ZNF521: variants seen among roughly 807,000 people sequenced by gnomAD.
The protein encoded by ZNF521 is LYST-interacting protein 3.
In ZNF521, 14 loss-of-function variants were observed where a neutral mutation model predicts 105.5. The observed-to-expected ratio is 0.13, with a 90% confidence interval of 0.09 to 0.21. The LOEUF (loss-of-function observed/expected upper bound fraction) is 0.21. Ranked by LOEUF, ZNF521 falls within the 10% of genes least tolerant of loss-of-function variation. The pLI is 1.00. For synonymous variants in ZNF521, 635 were observed against 606.0 expected, an observed-to-expected ratio of 1.05 and a Z score of -0.70; for missense variants, 1,233 against 1,629.7, an observed-to-expected ratio of 0.76 and a Z score of 4.19.
At chr18:25,149,068 T>C (rs887635426) in intron 5 of ZNF521, among the ~76,000 whole-genome samples, 1 of 152,160 alleles carries the variant, frequency 6.6e-6, no homozygotes, top group African/African-American at 2.4e-5. Flanking sequence ...AAACTATTGA[T>C]AGGTGAAGAT....
At chr18:25,332,342 CA>C (rs1913622348) in intron 2 of ZNF521, among the ~76,000 whole-genome samples, 1 of 88,438 alleles carries the variant, frequency 1.1e-5, no homozygotes. Flanking sequence ...AATGAAAGAT[CA>C]CAGCAAAAAA....
At chr18:25,303,092 C>T (rs1257349580) in intron 3 of ZNF521, 1 of 152,140 alleles carries the variant, frequency 6.6e-6, no homozygotes, top group Non-Finnish European at 1.5e-5. Context: ...TCCAACAGGA[C>T]ATGGTGACAT....
At chr18:25,305,272 G>A (rs1488907691) in intron 3 of ZNF521, among the ~76,000 whole-genome samples, 5 of 152,098 alleles carry the variant, frequency 3.3e-5, no homozygotes, top group African/African-American at 1.2e-4. Context: ...ACTAAACTCA[G>A]ATTAATATAT....
chr18:25,287,147 C>G (rs1910752379), intron 3 of ZNF521, among the ~76,000 whole-genome samples: 1 of 152,146 alleles, frequency 6.6e-6, no homozygotes, highest in Admixed American at 6.5e-5. Context: ...ACATACCAAG[C>G]AAACTTGGTA....
chr18:25,124,154 C>G (rs1022576175), intron 5 of ZNF521, among the ~76,000 whole-genome samples: 1 of 151,904 alleles, frequency 6.6e-6, no homozygotes, highest in Admixed American at 6.6e-5. Flanking sequence ...ACTGCAAGAG[C>G]GAGGAGAGCA....
At chr18:25,265,049 T>C (rs1057098667) in intron 3 of ZNF521, among the ~76,000 whole-genome samples, 3 of 152,204 alleles carry the variant, frequency 2.0e-5, no homozygotes, top group African/African-American at 7.2e-5. Flanking sequence ...ATAACTATTA[T>C]TATTTGATTT....
intron 5 of ZNF521, among the ~76,000 whole-genome samples, chr18:25,128,360 T>C (rs989123132): frequency 6.6e-6 from 1 of 151,984 alleles, no homozygotes; most frequent in African/African-American, 2.4e-5. Flanking sequence ...ACTAACATCA[T>C]ACCAGTGGTA....
chr18:25,305,953 A>T (rs1488059440), intron 3 of ZNF521, among the ~76,000 whole-genome samples: 1 of 152,238 alleles, frequency 6.6e-6, no homozygotes, highest in Non-Finnish European at 1.5e-5. Flanking sequence ...CAACCACAAA[A>T]GGCAGGCAAT....
intron 5 of ZNF521, among the ~76,000 whole-genome samples, chr18:25,121,690 A>C (rs1473895454): frequency 6.6e-6 from 1 of 152,152 alleles, no homozygotes; most frequent in Non-Finnish European, 1.5e-5. Flanking sequence ...CTGAGAGGAG[A>C]AAGTACTGGG....
chr18:25,158,379 CTGAG>C (rs1258040694), intron 5 of ZNF521, among the ~76,000 whole-genome samples: 11 of 151,938 alleles, frequency 7.2e-5, no homozygotes, highest in African/African-American at 2.4e-4. Context: ...TCTTACAGTT[CTGAG>C]TAATTAATTT....
chr18:25,191,757 T>C (rs2035821801), intron 5 of ZNF521, among the ~76,000 whole-genome samples: 1 of 152,206 alleles, frequency 6.6e-6, no homozygotes, highest in Non-Finnish European at 1.5e-5. Flanking sequence ...TTGAGCCTCA[T>C]AATTTTATAT....
chr18:25,333,731 G>C (rs558547270), intron 2 of ZNF521, among the ~76,000 whole-genome samples: 1 of 152,070 alleles, frequency 6.6e-6, no homozygotes, highest in Non-Finnish European at 1.5e-5. Flanking sequence ...AATATATTTC[G>C]AACAAAAGAA....
chr18:25,093,908 C>G (rs1472702169), intron 5 of ZNF521, among the ~76,000 whole-genome samples: 2 of 152,068 alleles, frequency 1.3e-5, no homozygotes, highest in East Asian at 1.9e-4. Context: ...ATAAAAAACA[C>G]TATTTATTGT....
Position 25,224,674 on chromosome 18 carries a change from T to C in ZNF521, c.3244A>G (p.Lys1082Glu). Residue 1082 changes from lysine to glutamate, a missense_variant, in exon 4 of 8, where the codon AAA becomes GAA. Physicochemically the swap from Lys to Glu is moderately conservative, Grantham distance 56. Coordinates refer to ENST00000361524, the MANE Select transcript of ZNF521 (RefSeq NM_015461.3). The stretch of plus-strand genomic sequence containing the variant: ...TATGGCAGGCCATTGATATCAAGTT[T>C]CACCAGATCTTGCTTGGAACGGAAT... Reference protein sequence around the residue: ...KEFRSKQDLVKLDINGLPYGL... With the variant: ...KEFRSKQDLVELDINGLPYGL... 4 of 1,614,088 alleles carry C rather than the reference T, an allele frequency of 2.5e-6. No individual in the cohort carries two copies. The highest frequency in any genetic ancestry group is 3.4e-6 in the Non-Finnish European group (4 of 1,180,004).
At chr18:25,244,730 G>T (rs771420465) in intron 3 of ZNF521, among the ~76,000 whole-genome samples, 7 of 152,164 alleles carry the variant, frequency 4.6e-5, no homozygotes, top group Non-Finnish European at 8.8e-5. Flanking sequence ...ATTCCAAAAG[G>T]TACTCTCCTC....
chr18:25,234,791 G>A (rs1251862490), intron 3 of ZNF521, among the ~76,000 whole-genome samples: 1 of 151,956 alleles, frequency 6.6e-6, no homozygotes, highest in Non-Finnish European at 1.5e-5. Context: ...TTTTCATATT[G>A]AGATTCTAAA....
At chr18:25,233,755 A>G (rs1906692863) in intron 3 of ZNF521, among the ~76,000 whole-genome samples, 1 of 151,914 alleles carries the variant, frequency 6.6e-6, no homozygotes, top group African/African-American at 2.4e-5. Context: ...ATGAGCCAAC[A>G]AAGAGATAAG....
At chr18:25,167,086 T>C (rs377353539) in intron 5 of ZNF521, among the ~76,000 whole-genome samples, 1 of 152,044 alleles carries the variant, frequency 6.6e-6, no homozygotes, top group Non-Finnish European at 1.5e-5. Context: ...TTAATTGTTC[T>C]CTTCCTAGCA....
At chr18:25,206,502 T>C (rs774549865) in intron 4 of ZNF521, among the ~76,000 whole-genome samples, 3 of 152,134 alleles carry the variant, frequency 2.0e-5, no homozygotes, top group East Asian at 1.9e-4. Context: ...TAGTCTTCTG[T>C]CAAAGAAATA....
Sources: allele counts gnomAD v4.1 joint callset (sites outside exome capture counted in the v4.1 genomes callset), GRCh38; gene constraint gnomAD v4.1.1; transcripts MANE v1.5; gene names NCBI Gene and HGNC (gene_info 2026-07-23, HGNC 2026-07-21).